DLG2: variants seen among roughly 807,000 people sequenced by gnomAD.
DLG2 encodes the protein discs large MAGUK scaffold protein 2, also known as disks large homolog 2.
A neutral mutation model predicts 132.5 loss-of-function variants in DLG2; 45 were observed. That is an observed-to-expected ratio of 0.34 (90% CI 0.27 to 0.44). The LOEUF is 0.44. Among genes scored for constraint, DLG2 ranks in the 20% least tolerant of loss-of-function variants. The pLI, the probability that DLG2 is intolerant of heterozygous loss-of-function variation, is 1.00. For missense variants in DLG2, 1,045 were observed against 1,196.9 expected (o/e 0.87, Z 1.87); for synonymous variants, 424 against 419.6 (o/e 1.01, Z -0.13).
Position 83,459,696 on chromosome 11 carries a change from G to C in DLG2, c.*122C>G. 1.6e-6 allele frequency: 1 copy of C among 620,390 alleles called. No homozygotes were observed. The highest frequency in any genetic ancestry group is 2.9e-6 in the Non-Finnish European group (1 of 345,206). The allele number at this position is 620,390 out of a possible 1,614,324, so 38.4% of individuals were successfully genotyped here. A position where few individuals can be genotyped will look rare whatever the true frequency, so the allele number is the denominator to read the frequency against. On this transcript the variant is annotated 3_prime_UTR_variant, in exon 28 of 28. Transcript: ENST00000376104. ...TACAGTTTGTGTTGTACATTCGTAA[G>C]AATTCACATTGACTGCAAAAACATA...
intron 7 of DLG2, among the ~76,000 whole-genome samples, chr11:84,389,040 C>T (rs1238176627): frequency 1.3e-5 from 2 of 152,102 alleles, no homozygotes; most frequent in Non-Finnish European, 2.9e-5. Context: ...GCCTTTATGT[C>T]AACTCCCTGC....
At chr11:85,597,769 T>A (rs1755944448) in intron 3 of DLG2, among the ~76,000 whole-genome samples, 1 of 151,666 alleles carries the variant, frequency 6.6e-6, no homozygotes, top group South Asian at 2.1e-4. Flanking sequence ...ATAACCAGCA[T>A]GAAAAAGCAA....
intron 7 of DLG2, among the ~76,000 whole-genome samples, chr11:84,472,497 C>A (rs2099111008): frequency 6.6e-6 from 1 of 151,746 alleles, no homozygotes; most frequent in Non-Finnish European, 1.5e-5. Flanking sequence ...GACTATAAAC[C>A]CAGCCAAAAC....
At chr11:85,112,010 C>T (rs2072840044) in intron 5 of DLG2, among the ~76,000 whole-genome samples, 1 of 152,060 alleles carries the variant, frequency 6.6e-6, no homozygotes, top group African/African-American at 2.4e-5. Flanking sequence ...CAATACCAAC[C>T]ACCTGAGAAC....
At chr11:84,859,787 T>G (rs752901887) in intron 6 of DLG2, among the ~76,000 whole-genome samples, 5 of 151,836 alleles carry the variant, frequency 3.3e-5, no homozygotes, top group Non-Finnish European at 5.9e-5. Flanking sequence ...CCACTGCTGA[T>G]AATAACAGTC....
chr11:84,948,524 A>C (rs2050513504), intron 6 of DLG2, among the ~76,000 whole-genome samples: 1 of 152,224 alleles, frequency 6.6e-6, no homozygotes, highest in Non-Finnish European at 1.5e-5. Context: ...TTTCCAATGA[A>C]AATACGAAAT....
At position 84,364,407 on chromosome 11, in the gene DLG2, T is replaced by G. The variant is rs1231775254; in HGVS notation, c.520-113116A>C. ...GTTGCTTATCAGCTTAAGGAGATTT[T>G]GGGCTGAGACGATGGGGTTTTCTAG... On this transcript the variant is annotated intron_variant, in intron 7 of 27. Transcript: ENST00000376104. 2.0e-5 allele frequency among the ~76,000 whole-genome samples: 3 copies of G among 152,254 alleles called. No homozygotes were observed. In the East Asian group the frequency reaches 5.8e-4, roughly 29 times the overall value.
chr11:85,275,963 G>A (rs2077866186), intron 4 of DLG2, among the ~76,000 whole-genome samples: 1 of 152,112 alleles, frequency 6.6e-6, no homozygotes, highest in Non-Finnish European at 1.5e-5. Context: ...CTGTTTTAAG[G>A]ATCATAACAA....
chr11:83,614,770 A>G (rs1299428253), intron 19 of DLG2, among the ~76,000 whole-genome samples: 1 of 152,192 alleles, frequency 6.6e-6, no homozygotes, highest in African/African-American at 2.4e-5. Context: ...AGTGAACTTA[A>G]CAAATATTTA....
Position 85,137,766 on chromosome 11 carries a change from T to C in DLG2, c.282+16790A>G, listed in dbSNP as rs557824267. Among the ~76,000 whole-genome samples, 5 of 152,226 alleles carry C rather than the reference T, an allele frequency of 3.3e-5. No individual in the cohort carries two copies. In the East Asian group the frequency reaches 7.7e-4, roughly 24 times the overall value. On this transcript the variant is annotated intron_variant, in intron 5 of 27. Coordinates refer to ENST00000376104, the MANE Select transcript of DLG2 (RefSeq NM_001142699.3). The stretch of plus-strand genomic sequence containing the variant: ...CCTATCCCTGTCTATCTGTTCCCCA[T>C]ATACCCAGAACAGCAGGCACACAAA...
At chr11:85,497,604 G>C (rs1438311432) in intron 3 of DLG2, among the ~76,000 whole-genome samples, 1 of 152,042 alleles carries the variant, frequency 6.6e-6, no homozygotes, top group Admixed American at 6.6e-5. Context: ...CTTGAAAAGA[G>C]CAACACCAAG....
chr11:83,710,666 TG>T (rs2085198150), intron 18 of DLG2, among the ~76,000 whole-genome samples: 1 of 152,078 alleles, frequency 6.6e-6, no homozygotes, highest in Non-Finnish European at 1.5e-5. Context: ...AACCAAAGCT[TG>T]AAACTGGTAC....
chr11:85,580,362 G>T (rs1017923943), intron 3 of DLG2, among the ~76,000 whole-genome samples: 1 of 152,192 alleles, frequency 6.6e-6, no homozygotes, highest in Non-Finnish European at 1.5e-5. Context: ...GGAGAAGAAA[G>T]ATCCCAACTT....
At chr11:85,484,608 C>T (rs1205844380) in intron 3 of DLG2, among the ~76,000 whole-genome samples, 21 of 151,922 alleles carry the variant, frequency 1.4e-4, no homozygotes, top group African/African-American at 2.9e-4. Flanking sequence ...AAAATGCTCA[C>T]CATCACTGGC....
At chr11:85,217,326 A>ACACG (rs2082688414) in intron 4 of DLG2, among the ~76,000 whole-genome samples, 1 of 151,544 alleles carries the variant, frequency 6.6e-6, no homozygotes, top group Non-Finnish European at 1.5e-5. Flanking sequence ...TCTCACACAC[A>ACACG]CACACACACA....
intron 18 of DLG2, among the ~76,000 whole-genome samples, chr11:83,786,071 T>A (rs2095045515): frequency 6.6e-6 from 1 of 152,234 alleles, no homozygotes; most frequent in Non-Finnish European, 1.5e-5. Flanking sequence ...AGCCTCATTT[T>A]AAACACGGAA....
rs571079540 is a variant in DLG2 at position 84,060,065 on chromosome 11, C to T, written c.750-581G>A. 1.3e-5 allele frequency among the ~76,000 whole-genome samples: 2 copies of T among 152,242 alleles called. 1 individual carries two copies. Among genetic ancestry groups the T allele is most frequent in the African/African-American group, 4.8e-5 (2 of 41,538 alleles). ...CAGTGGCTCATGCCTGTAATCCCAG[C>T]ACTTTGGGAGGCCAAGGTGGCAGGA... On this transcript the variant is annotated intron_variant, in intron 10 of 27. Transcript: ENST00000376104.
At chr11:84,368,773 T>G (rs2098694340) in intron 7 of DLG2, among the ~76,000 whole-genome samples, 1 of 152,174 alleles carries the variant, frequency 6.6e-6, no homozygotes, top group Non-Finnish European at 1.5e-5. Context: ...AGAGTTCTGC[T>G]TTATAATAAG....
At chr11:84,459,512 G>A (rs1368347457) in intron 7 of DLG2, among the ~76,000 whole-genome samples, 1 of 150,154 alleles carries the variant, frequency 6.7e-6, no homozygotes, top group East Asian at 2.0e-4. Flanking sequence ...TACATAATAG[G>A]TTGTTTCTGA....
Sources: gnomAD v4.1 joint callset for allele counts (sites outside exome capture counted in the v4.1 genomes callset) on GRCh38, gnomAD v4.1.1 for gene constraint, MANE v1.5 for transcripts, NCBI Gene and HGNC (gene_info 2026-07-23, HGNC 2026-07-21) for gene names.